The following DPP8 variants were observed in gnomAD, a reference collection of about 807,000 sequenced individuals.
The protein encoded by DPP8 is dipeptidyl peptidase 8, also known as DPP VIII.
DPP8 carries 31 observed loss-of-function variants against 107.5 expected under a neutral mutation model. That is an observed-to-expected ratio of 0.29 (90% CI 0.22 to 0.39). The LOEUF is 0.39. Among genes scored for constraint, DPP8 ranks in the 10% least tolerant of loss-of-function variants. The pLI is 1.00. For synonymous variants in DPP8, 381 were observed against 356.6 expected (o/e 1.07, Z -0.77); for missense variants, 842 against 1,076.1 (o/e 0.78, Z 3.04).
chr15:65,498,424 GA>G (rs546038034), intron 4 of DPP8, among the ~76,000 whole-genome samples: 1,663 of 137,010 alleles, frequency 0.012, 21 homozygotes, highest in South Asian at 0.05. Context: ...TCAGTATCAG[GA>G]AAAAAAAAAA....
chr15:65,467,967 CGTGTTTTATCTATTGGGTT>C (rs999910343), intron 12 of DPP8, among the ~76,000 whole-genome samples: 1 of 151,940 alleles, frequency 6.6e-6, no homozygotes, highest in African/African-American at 2.4e-5. Flanking sequence ...AATTTGCAAA[CGTGTTTTATCTATTGGGTT>C]GTGGAATAAC....
chr15:65,494,623 G>C (rs1371055264), intron 5 of DPP8, among the ~76,000 whole-genome samples: 2 of 127,748 alleles, frequency 1.6e-5, no homozygotes, highest in African/African-American at 6.2e-5. Flanking sequence ...TGAGCCAATA[G>C]GAGACCCTGT....
At chr15:65,470,622 AAGAATAGAG>A (rs1432818182) in intron 12 of DPP8, among the ~76,000 whole-genome samples, 6 of 151,304 alleles carry the variant, frequency 4.0e-5, no homozygotes, top group Admixed American at 6.6e-5. Flanking sequence ...AAAAAAAAAA[AAGAATAGAG>A]GAAAAGGCCA....
At chr15:65,481,117 T>C (rs1438181459) in intron 9 of DPP8, among the ~76,000 whole-genome samples, 1 of 151,944 alleles carries the variant, frequency 6.6e-6, no homozygotes, top group Non-Finnish European at 1.5e-5. Flanking sequence ...TTAGTATCAA[T>C]GTCAACAAAT....
chr15:65,488,888 A>G (rs1384370148), intron 6 of DPP8, among the ~76,000 whole-genome samples: 1 of 152,142 alleles, frequency 6.6e-6, no homozygotes, highest in Non-Finnish European at 1.5e-5. Flanking sequence ...CCATTCATAT[A>G]CTGATTTGGT....
chr15:65,453,538 G>A (rs2064146037), intron 17 of DPP8, among the ~76,000 whole-genome samples: 1 of 152,040 alleles, frequency 6.6e-6, no homozygotes, highest in Non-Finnish European at 1.5e-5. Context: ...GGAGGCCAAG[G>A]CAGAGGGATC....
At chr15:65,511,766 T>C (rs1189939836) in intron 2 of DPP8, among the ~76,000 whole-genome samples, 2 of 151,562 alleles carry the variant, frequency 1.3e-5, no homozygotes, top group Admixed American at 1.3e-4. Context: ...ACACACACAT[T>C]CACATAAACG....
Position 65,515,719 on chromosome 15 carries a change from G to T in DPP8, c.-12+1767C>A, listed in dbSNP as rs111721622. 12 of 1,611,004 alleles carry T rather than the reference G, an allele frequency of 7.4e-6. No homozygotes were observed. In the African/African-American group the frequency reaches 1.2e-4, roughly 16 times the overall value. The stretch of plus-strand genomic sequence containing the variant: ...CAAAGAGATCTTTTTCAAGTGACTC[G>T]ACTTCAAGCATAGAATCCCTCTGCT... On this transcript the variant is annotated intron_variant, in intron 1 of 19. Coordinates refer to ENST00000300141, the MANE Select transcript of DPP8 (RefSeq NM_130434.5).
At chr15:65,462,502 A>G (rs1244353416) in intron 15 of DPP8, among the ~76,000 whole-genome samples, 2 of 152,144 alleles carry the variant, frequency 1.3e-5, no homozygotes, top group African/African-American at 2.4e-5. Context: ...ATTATATTTT[A>G]ATTTCTTCCA....
chr15:65,516,753 G>A lies in DPP8; in HGVS notation c.-12+733C>T, dbSNP rs1236911552. ...ACAGCCGTCCACTTAAACACCTAAA[G>A]CCTCACTGAAGCCTAGCTATCTCAT... On this transcript the variant is annotated intron_variant, in intron 1 of 19. Coordinates refer to ENST00000300141, the MANE Select transcript of DPP8 (RefSeq NM_130434.5). 23 of 152,210 alleles carry A rather than the reference G, an allele frequency of 1.5e-4. 1 individual carries two copies. The highest frequency in any genetic ancestry group is 1.5e-3 in the Admixed American group (23 of 15,278). 9.4% of individuals were successfully genotyped at this position (152,210 alleles called of 1,614,324 possible).
Position 65,446,821 on chromosome 15 carries a change from G to C in DPP8, c.*63C>G. 6.7e-7 allele frequency: 1 copy of C among 1,484,568 alleles called. No individual in the cohort carries two copies. The highest frequency in any genetic ancestry group is 9.1e-7 in the Non-Finnish European group (1 of 1,103,800). The allele number at this position is 1,484,568 out of a possible 1,614,324, so 92.0% of individuals were successfully genotyped here. On this transcript the variant is annotated 3_prime_UTR_variant, in exon 20 of 20. Transcript: ENST00000300141. ...GATGATCAATTCTGTGTTTTCTGTT[G>C]ATTAAACCTCCTCATTTGGTTAAAT...
intron 15 of DPP8, among the ~76,000 whole-genome samples, chr15:65,458,071 T>C (rs2140400326): frequency 6.6e-6 from 1 of 152,370 alleles, no homozygotes; most frequent in East Asian, 1.9e-4. Context: ...CTACCATGTA[T>C]AGAAGATGGT....
chr15:65,511,490 A>C (rs2062410233), intron 2 of DPP8, among the ~76,000 whole-genome samples: 1 of 151,990 alleles, frequency 6.6e-6, no homozygotes, highest in African/African-American at 2.4e-5. Context: ...TTAAAAAAAA[A>C]ACAAAACAAC....
intron 3 of DPP8, among the ~76,000 whole-genome samples, chr15:65,502,155 T>C (rs995711402): frequency 5.9e-5 from 9 of 152,150 alleles, no homozygotes; most frequent in African/African-American, 2.2e-4. Flanking sequence ...CCTCCCAGCA[T>C]TGGGATTACA....
chr15:65,469,751 C>G (rs932058935), intron 12 of DPP8, among the ~76,000 whole-genome samples: 1 of 151,472 alleles, frequency 6.6e-6, no homozygotes. Flanking sequence ...CATAAGAATC[C>G]CTTGAACTCA....
chr15:65,451,888 A>T, intron 18 of DPP8, 72 bp downstream of exon 18: 1 of 1,432,550 alleles, frequency 7.0e-7, no homozygotes, highest in Non-Finnish European at 9.2e-7. Context: ...TCATGCCACT[A>T]CACTCCAGCC....
At chr15:65,461,931 T>G (rs899328737) in intron 15 of DPP8, among the ~76,000 whole-genome samples, 10 of 149,852 alleles carry the variant, frequency 6.7e-5, no homozygotes, top group Admixed American at 1.4e-4. Context: ...TTTACAAATA[T>G]TTGACTTCAA....
Position 65,462,735 on chromosome 15 carries a change from A to G in DPP8, c.1971+1026T>C, listed in dbSNP as rs753035603. ...GCTGGGATTTTAGGCACGCACTACC[A>G]CGCCCAGCTAATTTTTATATTTTTA... On this transcript the variant is annotated intron_variant, in intron 15 of 19. Transcript: ENST00000300141. Among the ~76,000 whole-genome samples, 23 of 151,934 alleles carry G rather than the reference A, an allele frequency of 1.5e-4. 1 individual carries two copies. The highest frequency in any genetic ancestry group is 6.6e-4 in the Admixed American group (10 of 15,236).
chr15:65,500,371 C>A (rs563228198), intron 4 of DPP8, among the ~76,000 whole-genome samples: 9 of 151,496 alleles, frequency 5.9e-5, no homozygotes, highest in African/African-American at 2.2e-4. Flanking sequence ...TGAGCCAAGA[C>A]GGCACCATTG....
Sources: gnomAD v4.1 joint callset for allele counts (sites outside exome capture counted in the v4.1 genomes callset) on GRCh38, gnomAD v4.1.1 for gene constraint, MANE v1.5 for transcripts, NCBI Gene and HGNC (gene_info 2026-07-23, HGNC 2026-07-21) for gene names.